SLCO2B1: variants seen among roughly 807,000 people sequenced by gnomAD.
The protein encoded by SLCO2B1 is OATP-RP2.
SLCO2B1 carries 41 observed loss-of-function variants against 67.3 expected under a neutral mutation model. That is an observed-to-expected ratio of 0.61 (90% CI 0.47 to 0.79). The LOEUF (loss-of-function observed/expected upper bound fraction) is 0.79, where lower values mean the gene tolerates loss of function less well. SLCO2B1 is among the 30% of genes least tolerant of loss of function. The pLI is 0.00. For synonymous variants in SLCO2B1, 379 were observed against 381.4 expected (o/e 0.99, Z 0.07); for missense variants, 837 against 920.1 (o/e 0.91, Z 1.17).
chr11:75,166,349 G>A (rs1204085777), intron 4 of SLCO2B1, among the ~76,000 whole-genome samples: 6 of 152,270 alleles, frequency 3.9e-5, no homozygotes, highest in East Asian at 1.9e-4. Context: ...GTGTAGTCAC[G>A]CATTTAATCC....
chr11:75,178,748 C>T (rs1950056608), intron 7 of SLCO2B1, among the ~76,000 whole-genome samples: 1 of 152,216 alleles, frequency 6.6e-6, no homozygotes, highest in Admixed American at 6.5e-5. Context: ...CTTATTTCTC[C>T]TGTCTAACTG....
At chr11:75,172,028 C>T (rs760648867) in intron 6 of SLCO2B1, among the ~76,000 whole-genome samples, 7 of 152,182 alleles carry the variant, frequency 4.6e-5, no homozygotes, top group Non-Finnish European at 1.0e-4. Context: ...GATTTGGAAG[C>T]TACTAATATC....
At chr11:75,152,246 G>C (rs1041353759) in intron 1 of SLCO2B1, 1 of 152,342 alleles carries the variant, frequency 6.6e-6, no homozygotes, top group Non-Finnish European at 1.5e-5. Flanking sequence ...AGTACTCCAG[G>C]TTAGACGCCC....
intron 8 of SLCO2B1, among the ~76,000 whole-genome samples, chr11:75,189,684 C>A (rs1307284092): frequency 6.6e-6 from 1 of 152,114 alleles, no homozygotes; most frequent in African/African-American, 2.4e-5. Context: ...TGGTGGCTCA[C>A]ACCTGTAATC....
Position 75,172,401 on chromosome 11 carries a change from G to T in SLCO2B1, c.804G>T (p.Lys268Asn). ...CAGGTGGTATCAGCCTGACCATAAA[G>T]GACCCCCGATGGGTGGGTGCCTGGT... ...MPEGGISLTI[K>N]DPRWVGAWWL... is the part of the protein sequence containing the mutation. Residue 268 changes from lysine to asparagine, a missense_variant, in exon 7 of 14, where the codon AAG becomes AAT. Transcript: ENST00000289575. 1 of 1,613,882 alleles carries T rather than the reference G, an allele frequency of 6.2e-7. No individual in the cohort carries two copies. The highest frequency in any genetic ancestry group is 8.5e-7 in the Non-Finnish European group (1 of 1,179,832).
chr11:75,156,693 G>A (rs1024751134), intron 1 of SLCO2B1, among the ~76,000 whole-genome samples: 3 of 152,186 alleles, frequency 2.0e-5, no homozygotes, highest in Admixed American at 2.0e-4. Flanking sequence ...GGAAAGTAAA[G>A]GAATAAAAGA....
intron 1 of SLCO2B1, among the ~76,000 whole-genome samples, chr11:75,158,024 T>G (rs181726571): frequency 2.4e-4 from 36 of 152,234 alleles, no homozygotes; most frequent in Admixed American, 2.2e-3. Flanking sequence ...TGGGAAAACG[T>G]GTGTATTCTT....
chr11:75,157,639 G>A (rs1294148750), intron 1 of SLCO2B1, among the ~76,000 whole-genome samples: 1 of 152,100 alleles, frequency 6.6e-6, no homozygotes, highest in African/African-American at 2.4e-5. Context: ...GAGAGCAAGG[G>A]CCACCTATAT....
At chr11:75,168,855 G>A (rs1444409484) in intron 4 of SLCO2B1, among the ~76,000 whole-genome samples, 1 of 152,000 alleles carries the variant, frequency 6.6e-6, no homozygotes, top group Non-Finnish European at 1.5e-5. Flanking sequence ...TGACCACCCC[G>A]CCCCACCCAG....
chr11:75,172,638 A>T (rs916516355), intron 7 of SLCO2B1, 69 bp downstream of exon 7: 1 of 1,413,484 alleles, frequency 7.1e-7, no homozygotes, highest in Admixed American at 1.9e-5. Flanking sequence ...CCTTTGTAAC[A>T]TTACACTTCG....
intron 2 of SLCO2B1, among the ~76,000 whole-genome samples, chr11:75,163,540 C>T (rs1192581317): frequency 1.3e-5 from 2 of 152,006 alleles, no homozygotes; most frequent in African/African-American, 2.4e-5. Context: ...GGAGGAAAGT[C>T]CAGCCCAGCC....
chr11:75,199,144 GC>G (rs1168264394), intron 10 of SLCO2B1, among the ~76,000 whole-genome samples: 1 of 152,074 alleles, frequency 6.6e-6, no homozygotes, highest in Non-Finnish European at 1.5e-5. Context: ...AGGTTCAGGG[GC>G]CGCTTTTCCT....
chr11:75,176,831 G>A (rs1950031216), intron 7 of SLCO2B1, among the ~76,000 whole-genome samples: 1 of 152,208 alleles, frequency 6.6e-6, no homozygotes, highest in Admixed American at 6.5e-5. Flanking sequence ...CTAGTGCCCA[G>A]GGCCTCCACT....
At chr11:75,199,253 G>T (rs968824112) in intron 10 of SLCO2B1, among the ~76,000 whole-genome samples, 1 of 152,172 alleles carries the variant, frequency 6.6e-6, no homozygotes, top group Non-Finnish European at 1.5e-5. Context: ...CATGTGCATT[G>T]GTTCTGCCGG....
At chr11:75,167,188 G>A (rs796863227) in intron 4 of SLCO2B1, among the ~76,000 whole-genome samples, 8 of 152,274 alleles carry the variant, frequency 5.3e-5, no homozygotes, top group African/African-American at 1.9e-4. Context: ...CAGGTGGAGG[G>A]GAGGGCATGG....
intron 7 of SLCO2B1, among the ~76,000 whole-genome samples, chr11:75,186,333 C>A (rs183485276): frequency 1.0e-3 from 154 of 151,970 alleles, no homozygotes; most frequent in Non-Finnish European, 1.5e-3. Flanking sequence ...CTCAGCCCCC[C>A]TAGTAGCTGG....
rs897086374 is a variant in SLCO2B1, at chr11:75,204,961, CT to C, written c.*382del. 2.5e-5 allele frequency: 4 copies of C among 161,526 alleles called. No individual in the cohort carries two copies. Among genetic ancestry groups the C allele is most frequent in the African/African-American group, 9.6e-5 (4 of 41,790 alleles). 10.0% of individuals were successfully genotyped at this position (161,526 alleles called of 1,614,324 possible). A position where few individuals can be genotyped will look rare whatever the true frequency, so the allele number is the denominator to read the frequency against. On this transcript the variant is annotated 3_prime_UTR_variant, in exon 14 of 14. Transcript: ENST00000289575. Reference sequence around the variant, plus strand: ...TGCTGGGCCCCAGCCCAGGTCTGCACTCGCCTGGATCACCTTCTTTGAGCCT... The same window carrying C: ...TGCTGGGCCCCAGCCCAGGTCTGCACCGCCTGGATCACCTTCTTTGAGCCT...
intron 1 of SLCO2B1, among the ~76,000 whole-genome samples, chr11:75,157,969 G>C (rs552683372): frequency 5.3e-4 from 80 of 152,096 alleles, no homozygotes; most frequent in African/African-American, 1.9e-3. Context: ...TTTAATATAA[G>C]TTTTACATGA....
intron 9 of SLCO2B1, among the ~76,000 whole-genome samples, chr11:75,194,414 G>A (rs1945071450): frequency 6.6e-6 from 1 of 152,126 alleles, no homozygotes; most frequent in Non-Finnish European, 1.5e-5. Context: ...GGCATCTTCT[G>A]CCTCCACCTA....
Sources: gnomAD v4.1 joint callset for allele counts (sites outside exome capture counted in the v4.1 genomes callset) on GRCh38, gnomAD v4.1.1 for gene constraint, MANE v1.5 for transcripts, NCBI Gene and HGNC (gene_info 2026-07-23, HGNC 2026-07-21) for gene names.